Variants in PRC1 observed in about 807,000 individuals in gnomAD.
PRC1 encodes protein regulator of cytokinesis 1, also known as anaphase spindle elongation 1 homolog.
A neutral mutation model predicts 91.2 loss-of-function variants in PRC1; 54 were observed. That is an observed-to-expected ratio of 0.59 (90% CI 0.48 to 0.74). PRC1 has a LOEUF of 0.74. Among genes scored for constraint, PRC1 ranks in the 30% least tolerant of loss-of-function variants. The pLI, the probability that PRC1 is intolerant of heterozygous loss-of-function variation, is 0.00. For synonymous variants in PRC1, 275 were observed against 263.6 expected, an observed-to-expected ratio of 1.04 and a Z score of -0.42; for missense variants, 727 against 746.2, an observed-to-expected ratio of 0.97 and a Z score of 0.30.
rs2038983898 is a variant in PRC1 at position 90,979,153 on chromosome 15, A to G, written c.1107+5T>C. 2 of 1,612,182 alleles carry G rather than the reference A, an allele frequency of 1.2e-6. No homozygotes were observed. Among genetic ancestry groups the G allele is most frequent in the East Asian group, 4.5e-5 (2 of 44,880 alleles). On this transcript the variant is annotated splice_donor_5th_base_variant and intron_variant, in intron 8 of 14. Coordinates refer to ENST00000394249, the MANE Select transcript of PRC1 (RefSeq NM_003981.4). ...CAGTTAAAAACACAAAAACTAGGAC[A>G]ATACCTCAAACTCTAAGAAAAGCCT...
rs1315643116 is a variant in PRC1, at chr15:90,969,623, G to A, written c.1573C>T (p.Pro525Ser). ...CCTGAACAGGTGGAAGCAGCGACTG[G>A]CTGCAGAGAAAGGAAAGAGATCCAT... ...VSRLPPSGSKPVAASTCSGKK... is the reference protein window; with the variant it reads ...VSRLPPSGSKSVAASTCSGKK... Residue 525 changes from proline to serine, a missense_variant and splice_region_variant, in exon 13 of 15, where the codon CCA becomes TCA. By Grantham distance (74) the Pro-to-Ser change is moderately conservative (BLOSUM62 -1). Transcript: ENST00000394249. 6.3e-7 allele frequency: 1 copy of A among 1,589,858 alleles called. No homozygotes were observed. Among genetic ancestry groups the A allele is most frequent in the East Asian group, 2.2e-5 (1 of 44,548 alleles).
intron 12 of PRC1, among the ~76,000 whole-genome samples, chr15:90,969,949 G>A (rs1424771136): frequency 6.6e-6 from 1 of 151,832 alleles, no homozygotes; most frequent in Non-Finnish European, 1.5e-5. Flanking sequence ...ATGAATTCTT[G>A]ATTTACAGAA....
chr15:90,990,712 T>G (rs2039929053), intron 1 of PRC1, among the ~76,000 whole-genome samples: 1 of 152,228 alleles, frequency 6.6e-6, no homozygotes, highest in Non-Finnish European at 1.5e-5. Context: ...TTGTATGGTA[T>G]GTGGATTATA....
In PRC1 at chr15:90,974,283, G is replaced by A. The variant is rs2038457381; in HGVS notation, c.1351-37C>T. 1.3e-6 allele frequency: 2 copies of A among 1,550,650 alleles called. No individual in the cohort carries two copies. Among genetic ancestry groups the A allele is most frequent in the African/African-American group, 1.4e-5 (1 of 73,566 alleles). On this transcript the variant is annotated intron_variant, in intron 10 of 14. Transcript: ENST00000394249. This position sits in a 1 kb window ranked among gnomAD's most constrained non-coding sequence, Gnocchi z 4.6. ...TCAGAAGCAACAGTGATAAATCTCA[G>A]GAAGAGAGCGGGTCTGGGATGGCAA...
intron 1 of PRC1, among the ~76,000 whole-genome samples, chr15:90,994,135 G>C (rs1331747148): frequency 6.6e-6 from 1 of 151,940 alleles, no homozygotes; most frequent in Non-Finnish European, 1.5e-5. Flanking sequence ...TGCCGCGTCC[G>C]GGCACCGGCG....
At position 90,967,140 on chromosome 15, in the gene PRC1, G is replaced by T; in HGVS notation, c.1854C>A (p.Ile618=). Residue 618 remains isoleucine, a synonymous_variant, in exon 15 of 15, where the codon ATC becomes ATA. Transcript: ENST00000394249. The part of the protein sequence containing the change: ...ATSGILNSTN[I]QS The stretch of plus-strand genomic sequence containing the variant: ...GACTGATCAGGGCTTCTCAGGACTG[G>T]ATGTTGGTTGAATTGAGGATTCCAG... The T allele has an allele frequency of 6.2e-7, 1 of 1,613,826 alleles. No individual in the cohort carries two copies. The highest frequency in any genetic ancestry group is 1.6e-4 in the Middle Eastern group (1 of 6,062).
At position 90,968,529 on chromosome 15, in the gene PRC1, G is replaced by A. The variant is rs915175658; in HGVS notation, c.1791+550C>T. 12 of 990,592 alleles carry A rather than the reference G, an allele frequency of 1.2e-5. No homozygotes were observed. The Admixed American group carries it at 2.3e-4, about 19-fold the overall frequency. 61.4% of individuals were successfully genotyped at this position (990,592 alleles called of 1,614,324 possible). A position where few individuals can be genotyped will look rare whatever the true frequency, so the allele number is the denominator to read the frequency against. On this transcript the variant is annotated intron_variant, in intron 14 of 14. Coordinates refer to ENST00000394249, the MANE Select transcript of PRC1 (RefSeq NM_003981.4). ...TTAGCAAATATAGAGTAGGATACTA[G>A]GAAGTGAAGAGCATTCTGGAAAAAC...
chr15:90,975,570 ACT>A (rs5814454), intron 9 of PRC1, among the ~76,000 whole-genome samples: 28 of 151,742 alleles, frequency 1.8e-4, no homozygotes, highest in African/African-American at 5.6e-4. Context: ...AGCCCACAGG[ACT>A]CTCTCTCAAA....
intron 12 of PRC1, 27 bp from the exon 13 acceptor site, chr15:90,969,650 TATC>T (rs751407768): frequency 6.4e-7 from 1 of 1,561,336 alleles, no homozygotes; most frequent in South Asian, 1.2e-5. Context: ...GAGATCCATG[TATC>T]ATCCTTCTAA....
intron 7 of PRC1, 71 bp from the exon 8 acceptor site, chr15:90,979,365 A>T (rs960235109): frequency 2.0e-6 from 3 of 1,487,788 alleles, no homozygotes; most frequent in Non-Finnish European, 2.7e-6. Context: ...CGAATCCCCG[A>T]TTCCCTAAAA....
At chr15:90,970,001 G>A (rs997177826) in intron 12 of PRC1, among the ~76,000 whole-genome samples, 1 of 152,072 alleles carries the variant, frequency 6.6e-6, no homozygotes, top group Non-Finnish European at 1.5e-5. Context: ...TTGAAAGACT[G>A]AATGTGTTTT....
intron 1 of PRC1, chr15:90,988,306 C>T (rs2039726424): frequency 6.6e-5 from 10 of 152,162 alleles, no homozygotes; most frequent in Admixed American, 6.5e-4. Context: ...ACAGGCCAGC[C>T]AGGGGCACTG....
At position 90,974,020 on chromosome 15, in the gene PRC1, C is replaced by T. The variant is rs1232269908; in HGVS notation, c.1461+116G>A. The T allele has an allele frequency of 2.6e-5, 21 of 812,098 alleles. No homozygotes were observed. In the Admixed American group the frequency reaches 2.6e-4, roughly 10 times the overall value. The allele number at this position is 812,098 out of a possible 1,614,324, so 50.3% of individuals were successfully genotyped here. A position where few individuals can be genotyped will look rare whatever the true frequency, so the allele number is the denominator to read the frequency against. ...CTTATTTCTTTTCTCTGTCTCTTGTCCCACCTGATGAGAAATACCCACAGG... is the reference window on the plus strand; with the variant it reads ...CTTATTTCTTTTCTCTGTCTCTTGTTCCACCTGATGAGAAATACCCACAGG... On this transcript the variant is annotated intron_variant, in intron 11 of 14. Coordinates refer to ENST00000394249, the MANE Select transcript of PRC1 (RefSeq NM_003981.4). The surrounding 1 kb of genome is among the most constrained non-coding windows in gnomAD (Gnocchi z 4.6).
At position 90,980,533 on chromosome 15, in the gene PRC1, T is replaced by TTTTG. The variant is rs1567195364; in HGVS notation, c.823-148_823-145dup. ...AACACTTTTTTTTTTTTTTTTTTTT[T>TTTTG]TTTGAGACAGGGTCTCACTCTCTCG... On this transcript the variant is annotated intron_variant, in intron 6 of 14. Coordinates refer to ENST00000394249, the MANE Select transcript of PRC1 (RefSeq NM_003981.4). The TTTTG allele has an allele frequency of 1.7e-4, 164 of 979,174 alleles. 1 individual carries two copies. Among genetic ancestry groups the TTTTG allele is most frequent in the African/African-American group, 1.1e-3 (55 of 51,828 alleles). 60.7% of individuals were successfully genotyped at this position (979,174 alleles called of 1,614,324 possible). A position where few individuals can be genotyped will look rare whatever the true frequency, so the allele number is the denominator to read the frequency against.
At chr15:90,967,915 A>C in intron 14 of PRC1, 1 of 985,488 alleles carries the variant, frequency 1.0e-6, no homozygotes, top group Non-Finnish European at 1.2e-6. Flanking sequence ...TTATAAAACA[A>C]TGGGCCAGAA....
intron 14 of PRC1, chr15:90,968,180 C>G: frequency 3.0e-6 from 3 of 985,432 alleles, no homozygotes; most frequent in Non-Finnish European, 3.6e-6. Context: ...ATAAAATGGG[C>G]CTTGGTTGAA....
At chr15:90,986,917 G>A (rs2151590323) in intron 1 of PRC1, among the ~76,000 whole-genome samples, 1 of 151,406 alleles carries the variant, frequency 6.6e-6, no homozygotes, top group East Asian at 1.9e-4. Context: ...TTTAGGCTGA[G>A]CAAATGCCAC....
intron 12 of PRC1, 139 bp from the exon 13 acceptor site, chr15:90,969,762 ACATATATATATATATATATAT>A (rs201337340): frequency 0.22 from 38,985 of 174,408 alleles, 4,864 homozygotes; most frequent in East Asian, 0.55. Flanking sequence ...TAAAAAAAAA[ACATATATATATATATATATAT>A]ATATATATAT....
intron 1 of PRC1, among the ~76,000 whole-genome samples, chr15:90,989,211 C>G (rs544724951): frequency 1.3e-5 from 2 of 152,020 alleles, no homozygotes; most frequent in East Asian, 3.8e-4. Context: ...GCATGCAAGA[C>G]GGTACAGCCT....
Sources: gnomAD v4.1 joint callset for allele counts (sites outside exome capture counted in the v4.1 genomes callset) on GRCh38, gnomAD v4.1.1 for gene constraint, Gnocchi (gnomAD v3.1) non-coding constraint, MANE v1.5 for transcripts, NCBI Gene and HGNC (gene_info 2026-07-23, HGNC 2026-07-21) for gene names.